SEMA3D: variants seen among roughly 807,000 people sequenced by gnomAD.
SEMA3D encodes semaphorin 3D.
Under a neutral mutation model 100.1 loss-of-function variants are expected in SEMA3D, and 84 were observed. The observed-to-expected ratio is 0.84, with a 90% confidence interval of 0.70 to 1.01. The LOEUF (loss-of-function observed/expected upper bound fraction) is 1.01, where lower values mean the gene tolerates loss of function less well. Among genes scored for constraint, SEMA3D ranks in the 50% least tolerant of loss-of-function variants. SEMA3D has a pLI of 0.00. For missense variants in SEMA3D, 875 were observed against 934.1 expected (o/e 0.94, Z 0.82); for synonymous variants, 312 against 320.7 (o/e 0.97, Z 0.29).
chr7:85,162,547 G>A (rs1356508211), intron 1 of SEMA3D, among the ~76,000 whole-genome samples: 2 of 152,054 alleles, frequency 1.3e-5, no homozygotes, highest in East Asian at 3.9e-4. Flanking sequence ...TGATTAAAAT[G>A]CAACTCATGC....
rs143044833 is a variant in SEMA3D, at chr7:85,138,866, T to C, written c.-41+14742A>G. On this transcript the variant is annotated intron_variant, in intron 2 of 18. Transcript: ENST00000284136. ...GTGATATTCCCCCCTGTCCATATGT[T>C]CTCATTGTTCAACTCCCATTTTGGA... 4.8e-3 allele frequency among the ~76,000 whole-genome samples: 724 copies of C among 151,646 alleles called. 14 individuals carry two copies. Among genetic ancestry groups the C allele is most frequent in the South Asian group, 0.047 (227 of 4,798 alleles).
At chr7:85,109,286 G>C (rs902889951) in intron 3 of SEMA3D, among the ~76,000 whole-genome samples, 2 of 151,932 alleles carry the variant, frequency 1.3e-5, no homozygotes, top group Non-Finnish European at 2.9e-5. Context: ...GACAGAAAGA[G>C]CTCAAACCTA....
intron 1 of SEMA3D, among the ~76,000 whole-genome samples, chr7:85,169,440 A>T (rs1562843368): frequency 6.6e-6 from 1 of 151,846 alleles, no homozygotes; most frequent in Non-Finnish European, 1.5e-5. Flanking sequence ...TTGAATGAAG[A>T]TAACCTAAAG....
chr7:84,997,023 T>G lies in SEMA3D; in HGVS notation c.*2417A>C, dbSNP rs1789520305. 1 of 151,740 alleles carries G rather than the reference T, an allele frequency of 6.6e-6. No homozygotes were observed. Among genetic ancestry groups the G allele is most frequent in the East Asian group, 1.9e-4 (1 of 5,198 alleles). The allele number at this position is 151,740 out of a possible 1,614,324, so 9.4% of individuals were successfully genotyped here. ...ATGTTGTTTTTTATTGTGTGAAATTTTATTTTACTAATAATATTTTTAATA... is the reference window on the plus strand; with the variant it reads ...ATGTTGTTTTTTATTGTGTGAAATTGTATTTTACTAATAATATTTTTAATA... On this transcript the variant is annotated 3_prime_UTR_variant, in exon 19 of 19. Transcript: ENST00000284136.
intron 13 of SEMA3D, among the ~76,000 whole-genome samples, chr7:85,020,611 T>C (rs1458353862): frequency 6.6e-6 from 1 of 151,492 alleles, no homozygotes; most frequent in African/African-American, 2.4e-5. Flanking sequence ...ATTTAAATAT[T>C]GTTTGAAACG....
At chr7:85,033,541 TTTTCTA>T (rs1562790662) in intron 12 of SEMA3D, among the ~76,000 whole-genome samples, 1 of 152,248 alleles carries the variant, frequency 6.6e-6, no homozygotes, top group Middle Eastern at 3.4e-3. Context: ...TCGATACTTA[TTTTCTA>T]TTTCTGAGTA....
At position 84,999,659 on chromosome 7, in the gene SEMA3D, T is replaced by C. The variant is rs749817403; in HGVS notation, c.2115A>G (p.Leu705=). 1.9e-6 allele frequency: 3 copies of C among 1,614,056 alleles called. No homozygotes were observed. The highest frequency in any genetic ancestry group is 2.5e-6 in the Non-Finnish European group (3 of 1,179,990). The change falls in exon 19 of 19, where the codon CTA becomes CTG. Residue 705 remains leucine, a synonymous_variant. Coordinates refer to ENST00000284136, the MANE Select transcript of SEMA3D (RefSeq NM_001384900.1). The stretch of plus-strand genomic sequence containing the variant: ...TGTATCTCAACCGTGACTCAGCCAA[T>C]AGATCCTTGACCTTCCCCTCCTCAT... ...AEHEEGKVKD[L]LAESRLRYKD...
chr7:85,211,921 G>A, the SEMA3D span, among the ~76,000 whole-genome samples: 1 of 152,100 alleles, frequency 6.6e-6, no homozygotes, highest in Non-Finnish European at 1.5e-5. Context: ...AAATATATGT[G>A]TTAATCAATT....
chr7:85,066,946 A>AGAGAGAGAGAGAGAGAGAGAGAG (rs1583889292), intron 7 of SEMA3D, among the ~76,000 whole-genome samples: 2 of 149,582 alleles, frequency 1.3e-5, no homozygotes, highest in Non-Finnish European at 3.0e-5. Flanking sequence ...AGAGAGAGAG[A>AGAGAGAGAGAGAGAGAGAGAGAG]ACTCCAGCTA....
At chr7:85,214,070 C>T in the SEMA3D span, among the ~76,000 whole-genome samples, 1 of 152,070 alleles carries the variant, frequency 6.6e-6, no homozygotes, top group African/African-American at 2.4e-5. Context: ...TTCAAATAAA[C>T]AAAATCCACT....
chr7:85,122,262 G>T (rs958759487), intron 2 of SEMA3D, among the ~76,000 whole-genome samples: 2 of 151,288 alleles, frequency 1.3e-5, no homozygotes, highest in African/African-American at 2.4e-5. Context: ...GATAACAATT[G>T]GTAGACTTTC....
intron 1 of SEMA3D, chr7:85,159,962 T>C: frequency 1.0e-6 from 1 of 984,710 alleles, no homozygotes; most frequent in African/African-American, 1.7e-5. Flanking sequence ...CCATAAGTTC[T>C]ACGGTAACTA....
chr7:85,053,454 G>T (rs1382277340), intron 9 of SEMA3D, among the ~76,000 whole-genome samples: 1 of 151,908 alleles, frequency 6.6e-6, no homozygotes, highest in Non-Finnish European at 1.5e-5. Flanking sequence ...TTTTTTATGT[G>T]AAAATAAGAT....
chr7:85,120,624 T>C (rs1202963890), intron 3 of SEMA3D, among the ~76,000 whole-genome samples: 1 of 141,514 alleles, frequency 7.1e-6, no homozygotes, highest in Admixed American at 7.4e-5. Flanking sequence ...GCCGAGATCA[T>C]GCCCTGCCCA....
chr7:85,052,421 TACA>T (rs1253502152), intron 9 of SEMA3D, among the ~76,000 whole-genome samples: 1 of 151,920 alleles, frequency 6.6e-6, no homozygotes, highest in Non-Finnish European at 1.5e-5. Flanking sequence ...GAATTCCAGT[TACA>T]ACAAGATTTC....
chr7:85,079,486 T>C (rs998087909), intron 5 of SEMA3D, among the ~76,000 whole-genome samples: 10 of 152,158 alleles, frequency 6.6e-5, no homozygotes, highest in African/African-American at 1.2e-4. Flanking sequence ...TATGACTGAA[T>C]TGGAATAATA....
chr7:85,191,961 C>T (rs1322308243), upstream of SEMA3D, among the ~76,000 whole-genome samples: 1 of 152,096 alleles, frequency 6.6e-6, no homozygotes, highest in Non-Finnish European at 1.5e-5. Context: ...TGCTTTTCTA[C>T]TATATTTGTG....
the SEMA3D span, among the ~76,000 whole-genome samples, chr7:85,202,878 A>G: frequency 6.6e-6 from 1 of 152,168 alleles, no homozygotes; most frequent in Admixed American, 6.6e-5. Context: ...AAAACTATAT[A>G]GTAGAACAAA....
the SEMA3D span, among the ~76,000 whole-genome samples, chr7:85,225,492 T>C: frequency 6.6e-6 from 1 of 151,760 alleles, no homozygotes; most frequent in Non-Finnish European, 1.5e-5. Context: ...AGTGGCCTGG[T>C]GTGTGGGGCA....
Sources: gnomAD v4.1 joint callset for allele counts (sites outside exome capture counted in the v4.1 genomes callset) on GRCh38, gnomAD v4.1.1 for gene constraint, MANE v1.5 for transcripts, NCBI Gene and HGNC (gene_info 2026-07-23, HGNC 2026-07-21) for gene names.